Variants in RIPK4 observed in about 807,000 individuals in gnomAD.
RIPK4 encodes the protein receptor-interacting serine/threonine-protein kinase 4.
In RIPK4, 17 loss-of-function variants were observed where a neutral mutation model predicts 42.9. The observed-to-expected ratio is 0.40, with a 90% CI of 0.27 to 0.59. The LOEUF (loss-of-function observed/expected upper bound fraction) is 0.59. Ranked by LOEUF, RIPK4 falls within the 20% of genes least tolerant of loss-of-function variation. The pLI is 0.47. For missense variants in RIPK4, 897 were observed against 1,104.4 expected, an observed-to-expected ratio of 0.81 and a Z score of 2.66; for synonymous variants, 498 against 499.1, an observed-to-expected ratio of 1.00 and a Z score of 0.03.
intron 1 of RIPK4, among the ~76,000 whole-genome samples, chr21:41,758,658 T>C (rs1227145347): frequency 6.6e-6 from 1 of 152,256 alleles, no homozygotes; most frequent in Non-Finnish European, 1.5e-5. Flanking sequence ...ACCTTGTTTG[T>C]ATAAATAAAC....
intron 1 of RIPK4, 91 bp downstream of exon 1, chr21:41,766,769 G>T: frequency 7.4e-7 from 1 of 1,359,598 alleles, no homozygotes; most frequent in South Asian, 1.3e-5. Context: ...GTGAGTTCGG[G>T]AGAGAGAGGC....
intron 2 of RIPK4, among the ~76,000 whole-genome samples, chr21:41,753,226 T>TC (rs2061193648): frequency 6.6e-6 from 1 of 151,592 alleles, no homozygotes; most frequent in Non-Finnish European, 1.5e-5. Flanking sequence ...GCAGTACCCA[T>TC]CCTGTAGCTT....
At chr21:41,745,971 G>T in intron 5 of RIPK4, 109 bp from the exon 6 acceptor site, 1 of 945,894 alleles carries the variant, frequency 1.1e-6, no homozygotes, top group Non-Finnish European at 1.7e-6. Flanking sequence ...CACACGCCTC[G>T]GCCCAGCCTG....
intron 4 of RIPK4, among the ~76,000 whole-genome samples, chr21:41,747,043 C>A (rs1197481979): frequency 1.3e-5 from 2 of 152,232 alleles, no homozygotes; most frequent in Non-Finnish European, 2.9e-5. Context: ...GGTCACAGAG[C>A]AGATCTTTCT....
intron 4 of RIPK4, 172 bp from the exon 5 acceptor site, chr21:41,746,943 C>G (rs2061173841): frequency 1.5e-6 from 1 of 672,728 alleles, no homozygotes; most frequent in Admixed American, 3.2e-5. Context: ...TAACCCTCAC[C>G]CTCATGGTGC....
intron 1 of RIPK4, among the ~76,000 whole-genome samples, chr21:41,760,306 G>A (rs1210456926): frequency 6.6e-6 from 1 of 152,190 alleles, no homozygotes; most frequent in African/African-American, 2.4e-5. Context: ...CAGAACTAAG[G>A]ACAAGAGGTC....
At chr21:41,746,081 C>A (rs762815376) in intron 5 of RIPK4, 6 of 706,494 alleles carry the variant, frequency 8.5e-6, no homozygotes, top group Admixed American at 3.9e-5. Context: ...AGACTCAAGG[C>A]GGAAGCCTTC....
intron 6 of RIPK4, among the ~76,000 whole-genome samples, chr21:41,745,163 ATTCCTGATATACATAT>A (rs2061166726): frequency 6.6e-6 from 1 of 152,122 alleles, no homozygotes; most frequent in Admixed American, 6.5e-5. Flanking sequence ...GTGGGCGCAT[ATTCCTGATATACATAT>A]TTCCTGATCT....
chr21:41,759,576 G>T (rs1480304553), intron 1 of RIPK4, among the ~76,000 whole-genome samples: 2 of 152,168 alleles, frequency 1.3e-5, no homozygotes, highest in East Asian at 3.9e-4. Flanking sequence ...CCAAGTCCCT[G>T]CCTATAACCC....
At chr21:41,747,850 T>C (rs993873237) in intron 4 of RIPK4, among the ~76,000 whole-genome samples, 2 of 152,230 alleles carry the variant, frequency 1.3e-5, no homozygotes, top group Non-Finnish European at 2.9e-5. Context: ...CTACCCATTT[T>C]TGCCTGAGGT....
chr21:41,743,775 C>T, intron 7 of RIPK4, 107 bp downstream of exon 7: 1 of 1,373,602 alleles, frequency 7.3e-7, no homozygotes, highest in South Asian at 1.4e-5. Flanking sequence ...AGAATTCTTG[C>T]TGGGTCAAGA....
chr21:41,741,466 T>G lies in RIPK4; in HGVS notation c.1727A>C (p.Tyr576Ser). 6.2e-7 allele frequency: 1 copy of G among 1,612,854 alleles called. No individual in the cohort carries two copies. Among genetic ancestry groups the G allele is most frequent in the Non-Finnish European group, 8.5e-7 (1 of 1,179,944 alleles). Residue 576 changes from tyrosine (Y) to serine (S), a missense_variant, in exon 8 of 8, where the codon TAC becomes TCC. By Grantham distance (144) the Tyr-to-Ser change is moderately radical. Coordinates refer to ENST00000332512, the MANE Select transcript of RIPK4 (RefSeq NM_020639.3). The part of the protein sequence containing the change: ...QGKDAWLPLH[Y>S]AAWQGHLPIV... The stretch of plus-strand genomic sequence containing the variant: ...GGGCAGGTGGCCCTGCCAGGCAGCG[T>G]AGTGCAGTGGCAGCCAGGCATCCTT...
At chr21:41,764,041 C>T (rs938766518) in intron 1 of RIPK4, among the ~76,000 whole-genome samples, 16 of 152,148 alleles carry the variant, frequency 1.1e-4, no homozygotes, top group African/African-American at 3.1e-4. Context: ...TCCGAGGCAC[C>T]GAGCCCCATG....
In RIPK4 at chr21:41,741,055, T is replaced by A. The variant is rs1328701139; in HGVS notation, c.2138A>T (p.His713Leu). The A allele has an allele frequency of 6.2e-7, 1 of 1,610,110 alleles. No individual in the cohort carries two copies. Among genetic ancestry groups the A allele is most frequent in the South Asian group, 1.1e-5 (1 of 90,976 alleles). The change falls in exon 8 of 8, where the codon CAC (histidine) becomes CTC (leucine). Residue 713 changes from histidine (H) to leucine (L), a missense_variant. By Grantham distance (99) the His-to-Leu change is moderately conservative. Transcript: ENST00000332512. Reference protein sequence around the residue: ...NQTALHLAAAHGHSEVVEELV... With the variant: ...NQTALHLAAALGHSEVVEELV... ...CTCCTCCACCACCTCCGAGTGCCCG[T>A]GGGCGGCAGCCAGGTGCAGCGCCGT...
intron 1 of RIPK4, among the ~76,000 whole-genome samples, chr21:41,766,108 G>C (rs748526885): frequency 6.6e-6 from 1 of 152,234 alleles, no homozygotes; most frequent in African/African-American, 2.4e-5. Context: ...TTGAATGCAA[G>C]GCCCTTCCCT....
chr21:41,744,880 G>A (rs759722340), intron 6 of RIPK4, among the ~76,000 whole-genome samples: 3 of 152,166 alleles, frequency 2.0e-5, no homozygotes, highest in African/African-American at 4.8e-5. Context: ...AAAGAGTCTC[G>A]CTTCATGGAC....
chr21:41,761,268 C>T (rs1166758273), intron 1 of RIPK4, among the ~76,000 whole-genome samples: 4 of 152,262 alleles, frequency 2.6e-5, no homozygotes, highest in Non-Finnish European at 4.4e-5. Flanking sequence ...CCTTTCTCCT[C>T]CTCTGGGAAC....
intron 1 of RIPK4, among the ~76,000 whole-genome samples, chr21:41,757,998 C>CCAAAAAAAAAAAAAAAAA (rs1479763213): frequency 1.5e-4 from 2 of 13,078 alleles, no homozygotes; most frequent in African/African-American, 8.8e-4. Flanking sequence ...GACTCCATAA[C>CCAAAAAAAAAAAAAAAAA]AAAAAAAAAA....
At chr21:41,750,369 G>A (rs1353275291) in intron 3 of RIPK4, among the ~76,000 whole-genome samples, 1 of 152,232 alleles carries the variant, frequency 6.6e-6, no homozygotes, top group East Asian at 1.9e-4. Context: ...AGGTGACTTG[G>A]GGATTGATCT....
Sources: allele counts gnomAD v4.1 joint callset (sites outside exome capture counted in the v4.1 genomes callset), GRCh38; gene constraint gnomAD v4.1.1; transcripts MANE v1.5; gene names NCBI Gene and HGNC (gene_info 2026-07-23, HGNC 2026-07-21).